The following LRRK1 variants were observed in gnomAD, a reference collection of about 807,000 sequenced individuals.
The protein encoded by LRRK1 is leucine-rich repeat serine/threonine-protein kinase 1.
Under a neutral mutation model 209.1 loss-of-function variants are expected in LRRK1, and 113 were observed. The observed-to-expected ratio is 0.54, with a 90% CI of 0.46 to 0.63. The LOEUF (loss-of-function observed/expected upper bound fraction) is 0.63. Ranked by LOEUF, LRRK1 falls within the 30% of genes least tolerant of loss-of-function variation. LRRK1 has a pLI of 0.00. For synonymous variants in LRRK1, 1,144 were observed against 1,099.7 expected (o/e 1.04, Z -0.80); for missense variants, 2,284 against 2,632.2 (o/e 0.87, Z 2.89).
At chr15:100,991,520 C>CTG (rs2032155660) in intron 6 of LRRK1, among the ~76,000 whole-genome samples, 1 of 152,010 alleles carries the variant, frequency 6.6e-6, no homozygotes, top group Non-Finnish European at 1.5e-5. Flanking sequence ...CTATTCCAAC[C>CTG]TGATGTTACT....
chr15:100,933,878 CCTGT>C (rs1349156971), intron 2 of LRRK1, among the ~76,000 whole-genome samples: 1 of 141,122 alleles, frequency 7.1e-6, no homozygotes, highest in Non-Finnish European at 1.5e-5. Flanking sequence ...CATCTTCTAA[CCTGT>C]CTATTGAACA....
At chr15:100,953,195 A>T (rs982610183) in intron 2 of LRRK1, among the ~76,000 whole-genome samples, 4 of 152,146 alleles carry the variant, frequency 2.6e-5, no homozygotes, top group African/African-American at 9.7e-5. Flanking sequence ...AGTATTATTA[A>T]CTATATACTC....
At chr15:100,941,174 G>A (rs190986896) in intron 2 of LRRK1, among the ~76,000 whole-genome samples, 94 of 151,790 alleles carry the variant, frequency 6.2e-4, no homozygotes, top group African/African-American at 2.1e-3. Flanking sequence ...CTATGTGTGT[G>A]TCTGTGTGTC....
rs1460682555 is a variant in LRRK1 at position 101,076,978 on chromosome 15, G to C, written c.*8130G>C. 6.6e-6 allele frequency: 1 copy of C among 151,810 alleles called. No individual in the cohort carries two copies. The highest frequency in any genetic ancestry group is 1.9e-4 in the East Asian group (1 of 5,198). The allele number at this position is 151,810 out of a possible 1,614,324, so 9.4% of individuals were successfully genotyped here. ...AGCCTTTATTAGTCAAATCAGCCAAGCGTTTTTTCAGGCTCTTAGTATTCA... is the reference window on the plus strand; with the variant it reads ...AGCCTTTATTAGTCAAATCAGCCAACCGTTTTTTCAGGCTCTTAGTATTCA... On this transcript the variant is annotated 3_prime_UTR_variant, in exon 34 of 34. Coordinates refer to ENST00000388948, the MANE Select transcript of LRRK1 (RefSeq NM_024652.6).
intron 21 of LRRK1, among the ~76,000 whole-genome samples, chr15:101,046,718 C>T (rs992413839): frequency 1.3e-5 from 2 of 152,116 alleles, no homozygotes; most frequent in African/African-American, 4.8e-5. Context: ...TTTTAAGGCT[C>T]CCAGGCGAGT....
At position 101,009,018 on chromosome 15, in the gene LRRK1, G is replaced by A; in HGVS notation, c.944G>A (p.Gly315Glu). 1 of 1,614,214 alleles carries A rather than the reference G, an allele frequency of 6.2e-7. No individual in the cohort carries two copies. Among genetic ancestry groups the A allele is most frequent in the Non-Finnish European group, 8.5e-7 (1 of 1,180,038 alleles). Residue 315 changes from glycine to glutamate, a missense_variant, in exon 7 of 34, where the codon GGG becomes GAG. Gly to Glu is a moderately conservative substitution (Grantham distance 98, BLOSUM62 -2). Transcript: ENST00000388948. ...RKLNLSDNHLGELPGVQSSDE... is the reference protein window; with the variant it reads ...RKLNLSDNHLEELPGVQSSDE... ...CTGAACCTCTCCGACAACCACCTGG[G>A]GGAGCTGCCTGGCGTGCAGTCATCG...
chr15:101,058,325 T>G (rs535790074), intron 29 of LRRK1, among the ~76,000 whole-genome samples, 184 bp downstream of exon 29: 1 of 152,138 alleles, frequency 6.6e-6, no homozygotes, highest in South Asian at 2.1e-4. Flanking sequence ...CAAAGAGACG[T>G]GCATGTATGG....
At chr15:101,026,190 A>C in intron 17 of LRRK1, 53 bp downstream of exon 17, 1 of 1,560,292 alleles carries the variant, frequency 6.4e-7, no homozygotes, top group South Asian at 1.1e-5. Flanking sequence ...CCAGTCGCTG[A>C]TCTTTCCTGG....
At chr15:100,933,737 G>A (rs1041050712) in intron 2 of LRRK1, among the ~76,000 whole-genome samples, 4 of 135,876 alleles carry the variant, frequency 2.9e-5, no homozygotes, top group Admixed American at 8.7e-5. Flanking sequence ...CATGAGAATC[G>A]CTTGAACCTG....
chr15:100,944,818 C>T (rs1027411332), intron 2 of LRRK1, among the ~76,000 whole-genome samples: 1 of 152,186 alleles, frequency 6.6e-6, no homozygotes, highest in Non-Finnish European at 1.5e-5. Context: ...AAATGTCATA[C>T]GGTCTTATGG....
At chr15:100,950,396 A>G (rs1254364341) in intron 2 of LRRK1, among the ~76,000 whole-genome samples, 4 of 152,248 alleles carry the variant, frequency 2.6e-5, no homozygotes, top group African/African-American at 9.6e-5. Context: ...AAGACTTAAT[A>G]ATGGTAAGAT....
intron 20 of LRRK1, among the ~76,000 whole-genome samples, chr15:101,033,330 C>T (rs2034363241): frequency 6.6e-6 from 1 of 152,122 alleles, no homozygotes; most frequent in South Asian, 2.1e-4. Context: ...TATATTCTTG[C>T]TAACTATCGT....
At chr15:100,924,785 G>C in intron 2 of LRRK1, 56 bp downstream of exon 2, 1 of 1,334,620 alleles carries the variant, frequency 7.5e-7, no homozygotes. Context: ...TGCTCATCCT[G>C]CAGGGTGTCT....
chr15:101,012,778 A>G (rs1180251726), intron 10 of LRRK1, among the ~76,000 whole-genome samples: 1 of 152,164 alleles, frequency 6.6e-6, no homozygotes, highest in Non-Finnish European at 1.5e-5. Context: ...CCCCTTCAGC[A>G]TGTGTATCCT....
intron 6 of LRRK1, among the ~76,000 whole-genome samples, chr15:101,008,132 G>A (rs1018090332): frequency 1.8e-5 from 2 of 109,872 alleles, no homozygotes; most frequent in Admixed American, 2.5e-4. Flanking sequence ...GACAGAGCGA[G>A]ACTCCATCTC....
At chr15:100,979,240 A>G (rs532852733) in intron 3 of LRRK1, among the ~76,000 whole-genome samples, 6 of 152,330 alleles carry the variant, frequency 3.9e-5, no homozygotes, top group Non-Finnish European at 8.8e-5. Context: ...AACTTCCTCA[A>G]TTGGGTAAAG....
Position 101,027,562 on chromosome 15 carries a change from GC to G in LRRK1, c.2527-74del, listed in dbSNP as rs150236843. The G allele has an allele frequency of 1.6e-3, 2,427 of 1,560,550 alleles. 32 individuals carry two copies. In the African/African-American group the frequency reaches 0.028, roughly 18 times the overall value. On this transcript the variant is annotated intron_variant, in intron 18 of 33. Transcript: ENST00000388948. This position sits in a 1 kb window ranked among gnomAD's most constrained non-coding sequence, Gnocchi z 5.1. ...CGTCCCACCCCCTCAGGCCACAGGGGCCGGGCAGGATCTGCCCAAGCTGGCA... is the reference window on the plus strand; with the variant it reads ...CGTCCCACCCCCTCAGGCCACAGGGGCGGGCAGGATCTGCCCAAGCTGGCA...
At position 101,068,779 on chromosome 15, in the gene LRRK1, G is replaced by C; in HGVS notation, c.5979G>C (p.Glu1993Asp). 2 of 1,613,648 alleles carry C rather than the reference G, an allele frequency of 1.2e-6. No homozygotes were observed. Among genetic ancestry groups the C allele is most frequent in the Non-Finnish European group, 1.7e-6 (2 of 1,179,856 alleles). Residue 1993 changes from glutamate to aspartate, a missense_variant, in exon 34 of 34, where the codon GAG (glutamate) becomes GAC (aspartate). By Grantham distance (45) the Glu-to-Asp change is conservative. Around this residue, in one of 6 missense-constraint regions of LRRK1, gnomAD observed 643 missense variants for 695.9 expected, o/e 0.92. Transcript: ENST00000388948. ...LAVWRGWGAR[E>D]FDIFYQSYEE... The stretch of plus-strand genomic sequence containing the variant: ...TCTGGAGGGGCTGGGGCGCCAGGGA[G>C]TTCGACATTTTCTACCAGTCCTACG...
chr15:100,941,464 C>CTGTGTGTGTCTG (rs2042432624), intron 2 of LRRK1, among the ~76,000 whole-genome samples: 6 of 88,740 alleles, frequency 6.8e-5, no homozygotes, highest in African/African-American at 2.6e-4. Context: ...GTCTATGTCT[C>CTGTGTGTGTCTG]TGTGTGTGTG....
Sources: allele counts gnomAD v4.1 joint callset (sites outside exome capture counted in the v4.1 genomes callset), GRCh38; gene constraint gnomAD v4.1.1; regional missense constraint gnomAD v4.1.1; non-coding constraint Gnocchi (gnomAD v3.1); transcripts MANE v1.5; gene names NCBI Gene and HGNC (gene_info 2026-07-23, HGNC 2026-07-21).